Variants in C20orf96 observed in about 807,000 individuals in gnomAD.
C20orf96 encodes chromosome 20 open reading frame 96.
Under a neutral mutation model 52.6 loss-of-function variants are expected in C20orf96, and 57 were observed. The observed-to-expected ratio is 1.08, with a 90% CI of 0.88 to 1.35. C20orf96 has a LOEUF of 1.35. Ranked by LOEUF, C20orf96 falls within the 40% of genes most tolerant of loss-of-function variation. The probability of loss-of-function intolerance (pLI) is 0.00; values close to 1 mark genes in which losing one functional copy is unlikely to be tolerated. For missense variants in C20orf96, 478 were observed against 443.6 expected, an observed-to-expected ratio of 1.08 and a Z score of -0.70; for synonymous variants, 168 against 157.2, an observed-to-expected ratio of 1.07 and a Z score of -0.51.
Position 290,730 on chromosome 20 carries a change from G to C in C20orf96, c.-120C>G. The C allele has an allele frequency of 8.7e-7, 1 of 1,143,824 alleles. No individual in the cohort carries two copies. The highest frequency in any genetic ancestry group is 2.6e-5 in the Admixed American group (1 of 38,890). The allele number at this position is 1,143,824 out of a possible 1,614,324, so 70.9% of individuals were successfully genotyped here. A position where few individuals can be genotyped will look rare whatever the true frequency, so the allele number is the denominator to read the frequency against. Reference sequence around the variant, plus strand: ...GCGCGGTAACCCAGGCCACTCAGAAGTCCCGAGACCCGATGCTTTCGCCAG... The same window carrying C: ...GCGCGGTAACCCAGGCCACTCAGAACTCCCGAGACCCGATGCTTTCGCCAG... On this transcript the variant is annotated 5_prime_UTR_variant, in exon 1 of 11. Coordinates refer to ENST00000360321, the MANE Select transcript of C20orf96 (RefSeq NM_153269.3).
At chr20:276,161 A>T (rs2012015896) in intron 9 of C20orf96, 75 bp from the exon 10 acceptor site, 1 of 1,604,654 alleles carries the variant, frequency 6.2e-7, no homozygotes, top group Admixed American at 1.7e-5. Context: ...GCCAAAATGA[A>T]CGAGGAGCAA....
rs981687808 is a variant in C20orf96 at position 290,517 on chromosome 20, C to T, written c.20+74G>A. 15 of 1,578,408 alleles carry T rather than the reference C, an allele frequency of 9.5e-6. No homozygotes were observed. In the Admixed American group the frequency reaches 2.0e-4, roughly 21 times the overall value. On this transcript the variant is annotated intron_variant, in intron 1 of 10. Transcript: ENST00000360321. ...GGGCGACCTCGAGGCGAGGGCGGGA[C>T]AGCGGCGGGGTGTGAAGTACGCATG...
At position 287,926 on chromosome 20, in the gene C20orf96, A is replaced by AAAAAAAAAAAAAAC. The variant is rs2012429199; in HGVS notation, c.187+1632_187+1633insGTTTTTTTTTTTTT. On this transcript the variant is annotated intron_variant, in intron 3 of 10. Coordinates refer to ENST00000360321, the MANE Select transcript of C20orf96 (RefSeq NM_153269.3). ...TCCTTCTCAAAAAAAAAAAAAAAAA[A>AAAAAAAAAAAAAAC]AAAAGTCTTTCACAGAACAAAATTT... Among the ~76,000 whole-genome samples, 2 of 150,314 alleles carry AAAAAAAAAAAAAAC rather than the reference A, an allele frequency of 1.3e-5. 1 individual carries two copies. Among genetic ancestry groups the AAAAAAAAAAAAAAC allele is most frequent in the Non-Finnish European group, 3.0e-5 (2 of 67,546 alleles).
intron 4 of C20orf96, among the ~76,000 whole-genome samples, chr20:283,411 C>G (rs6082019): frequency 0.52 from 78,527 of 151,770 alleles, 20,724 homozygotes; most frequent in African/African-American, 0.61. Context: ...TCAAGCCGGT[C>G]TCCTGCCTCA....
At position 290,248 on chromosome 20, in the gene C20orf96, C is replaced by G. The variant is rs1476831003; in HGVS notation, c.69+11G>C. On this transcript the variant is annotated intron_variant, in intron 2 of 10. Coordinates refer to ENST00000360321, the MANE Select transcript of C20orf96 (RefSeq NM_153269.3). ...AGCCTCCCACCCCAGCCCTAGTCCC[C>G]CAAGACTCACCGGAACCTGGAACTC... The G allele has an allele frequency of 1.2e-6, 2 of 1,610,038 alleles. No homozygotes were observed. Among genetic ancestry groups the G allele is most frequent in the Non-Finnish European group, 1.7e-6 (2 of 1,177,536 alleles).
chr20:279,174 C>T lies in C20orf96; in HGVS notation c.463G>A (p.Ala155Thr). The T allele has an allele frequency of 6.3e-7, 1 of 1,589,466 alleles. No homozygotes were observed. Among genetic ancestry groups the T allele is most frequent in the Non-Finnish European group, 8.5e-7 (1 of 1,172,724 alleles). The change falls in exon 5 of 11, where the codon GCG becomes ACG. Residue 155 changes from alanine (A) to threonine (T), a missense_variant and splice_region_variant. By Grantham distance (58) the Ala-to-Thr change is moderately conservative. Coordinates refer to ENST00000360321, the MANE Select transcript of C20orf96 (RefSeq NM_153269.3). ...CGGGCGGATGCCGCGGGTCTCACCG[C>T]CAGGGTGTCCTGCTGCTGCAGCAGG... ...RALLQQQDTL[A>T]TIIDILEYSN...
In C20orf96 at chr20:290,634, C is replaced by A. The variant is rs2012522534; in HGVS notation, c.-24G>T. On this transcript the variant is annotated 5_prime_UTR_variant, in exon 1 of 11. Transcript: ENST00000360321. ...ATTGGGGAAAATGGAAGAGAAGTTG[C>A]GAGTCTGTGAGACCCTGATCTTCTG... 15 of 1,604,430 alleles carry A rather than the reference C, an allele frequency of 9.3e-6. No homozygotes were observed. The highest frequency in any genetic ancestry group is 1.3e-5 in the Non-Finnish European group (15 of 1,178,544).
intron 4 of C20orf96, among the ~76,000 whole-genome samples, chr20:280,357 T>TCC (rs1176586650): frequency 6.6e-6 from 1 of 150,986 alleles, no homozygotes; most frequent in East Asian, 2.0e-4. Flanking sequence ...ACAATTGTAC[T>TCC]CCCCTAAGGT....
chr20:276,585 T>A (rs1458550143), intron 9 of C20orf96: 1 of 985,276 alleles, frequency 1.0e-6, no homozygotes, highest in Non-Finnish European at 1.2e-6. Flanking sequence ...CATTGCTGGC[T>A]AATGAGGCAA....
At chr20:279,358 C>T (rs746873669) in intron 4 of C20orf96, 28 bp from the exon 5 acceptor site, 1 of 1,593,000 alleles carries the variant, frequency 6.3e-7, no homozygotes, top group Non-Finnish European at 8.5e-7. Context: ...AGCAGAGAGG[C>T]GGCGCTGCGC....
At chr20:276,932 A>C in intron 8 of C20orf96, 53 bp from the exon 9 acceptor site, 1 of 1,609,828 alleles carries the variant, frequency 6.2e-7, no homozygotes, top group African/African-American at 1.3e-5. Context: ...GGGCAGCAGA[A>C]CATGGTAGAG....
intron 3 of C20orf96, among the ~76,000 whole-genome samples, chr20:288,750 G>T (rs2012462034): frequency 6.6e-6 from 1 of 151,862 alleles, no homozygotes; most frequent in Non-Finnish European, 1.5e-5. Context: ...GAGGCAATGA[G>T]GTGGTATGAG....
intron 3 of C20orf96, among the ~76,000 whole-genome samples, 198 bp from the exon 4 acceptor site, chr20:284,279 T>C (rs2012327098): frequency 6.6e-6 from 1 of 152,036 alleles, no homozygotes; most frequent in Non-Finnish European, 1.5e-5. Context: ...GGCCTCAATA[T>C]GAGGGAGGGA....
At position 276,045 on chromosome 20, in the gene C20orf96, G is replaced by A. The variant is rs140973635; in HGVS notation, c.954C>T (p.Ala318=). The A allele has an allele frequency of 5.7e-5, 92 of 1,614,124 alleles. 1 individual carries two copies. In the African/African-American group the frequency reaches 6.4e-4, roughly 11 times the overall value. ...TCTGGGCTTGGAGCTCTTCCACCTCGGCCCTTAATACAGGCATGTTCTCCT... is the reference window on the plus strand; with the variant it reads ...TCTGGGCTTGGAGCTCTTCCACCTCAGCCCTTAATACAGGCATGTTCTCCT... ...QFEENMPVLR[A]EVEELQAQTR... The change falls in exon 10 of 11, where the codon GCC becomes GCT. Residue 318 remains alanine (A), a synonymous_variant. Transcript: ENST00000360321.
chr20:290,365 G>C (rs767249443), intron 1 of C20orf96, 58 bp from the exon 2 acceptor site: 1 of 1,596,852 alleles, frequency 6.3e-7, no homozygotes, highest in Non-Finnish European at 8.5e-7. Flanking sequence ...GGGGCAGCAA[G>C]CAGCAATTCG....
intron 3 of C20orf96, among the ~76,000 whole-genome samples, 171 bp downstream of exon 3, chr20:289,388 A>C (rs1167161845): frequency 1.3e-5 from 2 of 152,152 alleles, no homozygotes; most frequent in Non-Finnish European, 2.9e-5. Context: ...AGATCCACAA[A>C]TGTACTGTGG....
At position 276,863 on chromosome 20, in the gene C20orf96, T is replaced by C. The variant is rs747411459; in HGVS notation, c.842A>G (p.Tyr281Cys). 3.1e-5 allele frequency: 50 copies of C among 1,613,860 alleles called. No homozygotes were observed. The highest frequency in any genetic ancestry group is 1.6e-4 in the Middle Eastern group (1 of 6,084). Residue 281 changes from tyrosine to cysteine, a missense_variant, in exon 9 of 11, where the codon TAT (tyrosine) becomes TGT (cysteine). By Grantham distance (194) the Tyr-to-Cys change is radical. Coordinates refer to ENST00000360321, the MANE Select transcript of C20orf96 (RefSeq NM_153269.3). ...SSVVAETQRP[Y>C]EEALLQKMWE... is the part of the protein sequence containing the mutation. The stretch of plus-strand genomic sequence containing the variant: ...CATCTTCTGTAGGAGAGCCTCTTCA[T>C]AGGGACGCTGGGTTTCCTGTGGAGG...
chr20:279,089 C>CGGAGGGAGGGA, intron 5 of C20orf96, 83 bp downstream of exon 5: 2 of 569,220 alleles, frequency 3.5e-6, no homozygotes, highest in Admixed American at 9.2e-5. Flanking sequence ...GGACGGAGGG[C>CGGAGGGAGGGA]GGGACGGAGG....
chr20:286,142 T>C (rs2012378983), intron 3 of C20orf96, among the ~76,000 whole-genome samples: 1 of 152,244 alleles, frequency 6.6e-6, no homozygotes, highest in South Asian at 2.1e-4. Context: ...ATTTTCATTA[T>C]TGGTAGTAGC....
Sources: allele counts gnomAD v4.1 joint callset (sites outside exome capture counted in the v4.1 genomes callset), GRCh38; gene constraint gnomAD v4.1.1; transcripts MANE v1.5; gene names NCBI Gene and HGNC (gene_info 2026-07-23, HGNC 2026-07-21).